Variants in SOX6 observed in about 807,000 individuals in gnomAD.
The protein encoded by SOX6 is SRY-box transcription factor 6, also known as transcription factor SOX-6.
A neutral mutation model predicts 97.8 loss-of-function variants in SOX6; 11 were observed. The ratio of observed to expected loss-of-function variants is 0.11; its 90% confidence interval spans 0.07 to 0.19. The LOEUF (loss-of-function observed/expected upper bound fraction) is 0.19. Ranked by LOEUF, SOX6 falls within the 10% of genes least tolerant of loss-of-function variation. SOX6 has a pLI of 1.00. For synonymous variants in SOX6, 360 were observed against 371.4 expected (o/e 0.97, Z 0.35); for missense variants, 810 against 1,039.5 (o/e 0.78, Z 3.04).
intron 6 of SOX6, among the ~76,000 whole-genome samples, chr11:16,161,216 A>C (rs1452848140): frequency 6.6e-6 from 1 of 151,984 alleles, no homozygotes; most frequent in African/African-American, 2.4e-5. Context: ...AGCCAGTGTG[A>C]GTTGGCTCCA....
intron 15 of SOX6, among the ~76,000 whole-genome samples, chr11:15,983,733 T>A (rs1170676654): frequency 6.6e-6 from 1 of 152,140 alleles, no homozygotes; most frequent in Non-Finnish European, 1.5e-5. Flanking sequence ...AGCATTGAGA[T>A]GAAAGAATAA....
chr11:16,020,590 A>G (rs1447439655), intron 12 of SOX6, among the ~76,000 whole-genome samples: 1 of 152,116 alleles, frequency 6.6e-6, no homozygotes, highest in African/African-American at 2.4e-5. Context: ...CCTTTCAATA[A>G]TAATACCACG....
At chr11:16,258,575 T>C (rs554648689) in intron 3 of SOX6, among the ~76,000 whole-genome samples, 1 of 152,094 alleles carries the variant, frequency 6.6e-6, no homozygotes, top group African/African-American at 2.4e-5. Flanking sequence ...ATACATAGAA[T>C]ACAGAGTATT....
intron 12 of SOX6, among the ~76,000 whole-genome samples, chr11:16,017,131 C>A (rs1854908913): frequency 6.6e-6 from 1 of 151,934 alleles, no homozygotes; most frequent in Non-Finnish European, 1.5e-5. Context: ...ATGATAATAT[C>A]TTTTCTTTTA....
intron 11 of SOX6, 129 bp downstream of exon 11, chr11:16,049,626 G>T: frequency 9.2e-7 from 1 of 1,084,216 alleles, no homozygotes; most frequent in Non-Finnish European, 1.3e-6. Flanking sequence ...TTATGTTTCA[G>T]TAGAAAAGAT....
Position 16,125,522 on chromosome 11 carries a change from C to T in SOX6, c.778-13599G>A, listed in dbSNP as rs903204370. 3.9e-5 allele frequency among the ~76,000 whole-genome samples: 6 copies of T among 152,020 alleles called. No homozygotes were observed. The East Asian group carries it at 1.2e-3, about 29-fold the overall frequency. ...TAGGGGGAGTTGAGACTAATGTCAT[C>T]TTTGTGAAATAAAATGGGGATTTCC... On this transcript the variant is annotated intron_variant, in intron 6 of 15. Transcript: ENST00000683767.
At chr11:16,233,479 A>G (rs1852920581) in intron 4 of SOX6, among the ~76,000 whole-genome samples, 1 of 152,118 alleles carries the variant, frequency 6.6e-6, no homozygotes, top group Non-Finnish European at 1.5e-5. Flanking sequence ...CGTATATTCA[A>G]AAGTAAAGAT....
chr11:16,198,300 TCCTGGCCTCAGGTGATCCACCCAC>T (rs1851845493), intron 4 of SOX6, among the ~76,000 whole-genome samples: 2 of 145,038 alleles, frequency 1.4e-5, no homozygotes, highest in Admixed American at 1.4e-4. Flanking sequence ...GGGCTCAAAC[TCCTGGCCTCAGGTGATCCACCCAC>T]CTTGGCCTCC....
intron 4 of SOX6, among the ~76,000 whole-genome samples, chr11:16,230,966 T>C (rs1852829628): frequency 6.6e-6 from 1 of 151,748 alleles, no homozygotes; most frequent in Non-Finnish European, 1.5e-5. Context: ...ATAAACAGTA[T>C]AGATATTTGG....
At chr11:16,601,030 C>T (rs1351528666) in intron 4 of SOX6, among the ~76,000 whole-genome samples, 1 of 151,990 alleles carries the variant, frequency 6.6e-6, no homozygotes, top group Non-Finnish European at 1.5e-5. Flanking sequence ...TGTTCTAATA[C>T]CTTATTTTCC....
chr11:16,629,991 T>A (rs1848681798), intron 3 of SOX6, among the ~76,000 whole-genome samples: 1 of 152,202 alleles, frequency 6.6e-6, no homozygotes, highest in Non-Finnish European at 1.5e-5. Flanking sequence ...TTTTTTTTCT[T>A]TGTTAATCTA....
chr11:16,193,572 GTAAC>G (rs1250612759), intron 4 of SOX6, among the ~76,000 whole-genome samples: 1 of 152,126 alleles, frequency 6.6e-6, no homozygotes, highest in Non-Finnish European at 1.5e-5. Flanking sequence ...AGAAACCTGG[GTAAC>G]TAACAAATGT....
intron 3 of SOX6, among the ~76,000 whole-genome samples, chr11:16,671,983 G>C (rs563755319): frequency 6.6e-6 from 1 of 152,180 alleles, no homozygotes; most frequent in Non-Finnish European, 1.5e-5. Context: ...GAAGAGATTG[G>C]GGGCCTACAG....
chr11:16,102,743 T>C (rs181730454), intron 7 of SOX6, among the ~76,000 whole-genome samples: 3 of 152,082 alleles, frequency 2.0e-5, no homozygotes, highest in Non-Finnish European at 4.4e-5. Context: ...AGCCAACTGA[T>C]CTTCAACAAA....
At chr11:16,512,463 T>C (rs1034462685) in intron 4 of SOX6, among the ~76,000 whole-genome samples, 7 of 152,186 alleles carry the variant, frequency 4.6e-5, no homozygotes, top group Admixed American at 1.3e-4. Flanking sequence ...GACAGCAACA[T>C]TCAATCTGTT....
At chr11:16,584,726 CTG>C (rs894017100) in intron 4 of SOX6, among the ~76,000 whole-genome samples, 1 of 152,190 alleles carries the variant, frequency 6.6e-6, no homozygotes, top group Non-Finnish European at 1.5e-5. Flanking sequence ...TCCTGAGACA[CTG>C]GGGTCCACAT....
chr11:16,166,915 T>C (rs866210143), intron 6 of SOX6, among the ~76,000 whole-genome samples: 8 of 152,056 alleles, frequency 5.3e-5, no homozygotes, highest in Admixed American at 1.3e-4. Flanking sequence ...AAGCTAGAAA[T>C]AGCTTTACTG....
chr11:16,063,534 ATATATATATATATATATATAC>A (rs2133932243), intron 9 of SOX6, among the ~76,000 whole-genome samples: 1 of 89,026 alleles, frequency 1.1e-5, no homozygotes, highest in South Asian at 4.0e-4. Flanking sequence ...ATATATATAT[ATATATATATATATATATATAC>A]CTGCTTTCTA....
chr11:16,447,462 T>TCTTG (rs1859634875), intron 1 of SOX6, among the ~76,000 whole-genome samples: 1 of 152,098 alleles, frequency 6.6e-6, no homozygotes, highest in Non-Finnish European at 1.5e-5. Context: ...TCTCTTTCTT[T>TCTTG]CTTTCTTTCT....
Sources: gnomAD v4.1 joint callset for allele counts (sites outside exome capture counted in the v4.1 genomes callset) on GRCh38, gnomAD v4.1.1 for gene constraint, MANE v1.5 for transcripts, NCBI Gene and HGNC (gene_info 2026-07-23, HGNC 2026-07-21) for gene names.